The following CTNND2 variants were observed in gnomAD, a reference collection of about 807,000 sequenced individuals.
CTNND2 encodes catenin delta 2, also known as catenin delta-2.
In CTNND2, 22 loss-of-function variants were observed where a neutral mutation model predicts 144.4. That is an observed-to-expected ratio of 0.15 (90% CI 0.11 to 0.22). The LOEUF is 0.22. CTNND2 is among the 10% of genes least tolerant of loss of function. CTNND2 has a pLI of 1.00. For missense variants in CTNND2, 1,353 were observed against 1,618.8 expected (o/e 0.84, Z 2.82); for synonymous variants, 751 against 695.6 (o/e 1.08, Z -1.25).
rs61753315 is a variant in CTNND2 at position 11,118,239 on chromosome 5, A to G, written c.2160-672T>C. On this transcript the variant is annotated intron_variant, in intron 12 of 21. Coordinates refer to ENST00000304623, the MANE Select transcript of CTNND2 (RefSeq NM_001332.4). ...TCCTACAAGAGACAGAGATAATCCG[A>G]AGGAAAATCTTGGGGTGCTTTTAGT... 3.3e-4 allele frequency among the ~76,000 whole-genome samples: 50 copies of G among 152,336 alleles called. No homozygotes were observed. The East Asian group carries it at 3.5e-3, about 11-fold the overall frequency.
chr5:11,620,419 C>T (rs1024772272), intron 2 of CTNND2, among the ~76,000 whole-genome samples: 9 of 152,204 alleles, frequency 5.9e-5, no homozygotes, highest in Non-Finnish European at 1.3e-4. Flanking sequence ...ACAGCGCCTA[C>T]AGCCCACAGC....
intron 11 of CTNND2, among the ~76,000 whole-genome samples, chr5:11,172,370 T>A (rs2149788065): frequency 6.6e-6 from 1 of 152,358 alleles, no homozygotes; most frequent in Admixed American, 6.5e-5. Flanking sequence ...GAGATCTTCA[T>A]ACTTTAGCCT....
At chr5:11,414,365 C>T (rs1004682057) in intron 3 of CTNND2, among the ~76,000 whole-genome samples, 2 of 152,130 alleles carry the variant, frequency 1.3e-5, no homozygotes, top group Non-Finnish European at 2.9e-5. Context: ...AAAAAGTTCT[C>T]GTGTTATGTC....
chr5:11,613,569 T>A (rs1340755981), intron 2 of CTNND2, among the ~76,000 whole-genome samples: 1 of 152,216 alleles, frequency 6.6e-6, no homozygotes, highest in Non-Finnish European at 1.5e-5. Flanking sequence ...TGAATTTGTA[T>A]GTATTAACCT....
At chr5:11,346,919 G>T (rs1341020203) in intron 8 of CTNND2, among the ~76,000 whole-genome samples, 1 of 144,334 alleles carries the variant, frequency 6.9e-6, no homozygotes, top group Non-Finnish European at 1.5e-5. Flanking sequence ...TATAAACTTT[G>T]TGCATAAGAA....
At chr5:11,297,802 G>A (rs766968020) in intron 9 of CTNND2, among the ~76,000 whole-genome samples, 2 of 152,034 alleles carry the variant, frequency 1.3e-5, no homozygotes, top group Non-Finnish European at 2.9e-5. Context: ...TCACGAGTTC[G>A]GATTTTATCC....
chr5:11,069,559 G>A (rs1363769208), intron 16 of CTNND2, among the ~76,000 whole-genome samples: 1 of 152,152 alleles, frequency 6.6e-6, no homozygotes, highest in Non-Finnish European at 1.5e-5. Flanking sequence ...GACAGTGGAT[G>A]TAAAATTATA....
intron 2 of CTNND2, among the ~76,000 whole-genome samples, chr5:11,580,843 T>A (rs970816353): frequency 1.3e-5 from 2 of 152,196 alleles, no homozygotes; most frequent in African/African-American, 4.8e-5. Flanking sequence ...ACAGTAGACT[T>A]TGAAAAACCA....
At chr5:11,273,816 T>C (rs775564345) in intron 9 of CTNND2, among the ~76,000 whole-genome samples, 1 of 152,180 alleles carries the variant, frequency 6.6e-6, no homozygotes, top group Non-Finnish European at 1.5e-5. Flanking sequence ...TCCCTCTGTG[T>C]ATATTTTCCA....
chr5:11,154,588 G>A (rs150095324), intron 12 of CTNND2, among the ~76,000 whole-genome samples: 116 of 152,230 alleles, frequency 7.6e-4, no homozygotes, highest in African/African-American at 2.5e-3. Context: ...ATCCTCAGGC[G>A]GCTCCTTGGC....
intron 5 of CTNND2, among the ~76,000 whole-genome samples, chr5:11,408,576 G>T (rs1761269067): frequency 6.6e-6 from 1 of 152,022 alleles, no homozygotes; most frequent in Admixed American, 6.6e-5. Context: ...GCTTTCAAAA[G>T]AAATAATCAA....
chr5:11,071,343 G>A (rs558058443), intron 16 of CTNND2, among the ~76,000 whole-genome samples: 24 of 152,274 alleles, frequency 1.6e-4, no homozygotes, highest in Non-Finnish European at 2.8e-4. Flanking sequence ...TTCAAGACCA[G>A]TCTGGCCAGC....
At chr5:11,212,243 T>C (rs547610173) in intron 10 of CTNND2, among the ~76,000 whole-genome samples, 15 of 152,162 alleles carry the variant, frequency 9.9e-5, no homozygotes, top group Non-Finnish European at 1.8e-4. Context: ...TGTCATGGTT[T>C]AGTGAAGGGG....
intron 2 of CTNND2, among the ~76,000 whole-genome samples, chr5:11,698,172 A>G (rs757269440): frequency 1.2e-4 from 18 of 152,278 alleles, no homozygotes; most frequent in Admixed American, 6.5e-4. Flanking sequence ...GATGTAGCCC[A>G]TTTCAGAAAC....
intron 9 of CTNND2, among the ~76,000 whole-genome samples, chr5:11,296,910 C>T (rs867771066): frequency 2.0e-5 from 3 of 152,156 alleles, no homozygotes; most frequent in Admixed American, 2.0e-4. Flanking sequence ...GCGCAGCACA[C>T]CAACATGGCA....
intron 1 of CTNND2, among the ~76,000 whole-genome samples, chr5:11,838,706 T>C (rs1410160402): frequency 6.6e-6 from 1 of 152,226 alleles, no homozygotes; most frequent in African/African-American, 2.4e-5. Context: ...GATACTATCA[T>C]CATTAAATAT....
At chr5:11,354,596 A>G (rs1755668904) in intron 8 of CTNND2, among the ~76,000 whole-genome samples, 1 of 152,232 alleles carries the variant, frequency 6.6e-6, no homozygotes. Context: ...TCATATAAAT[A>G]AATTTTAGAA....
intron 12 of CTNND2, among the ~76,000 whole-genome samples, chr5:11,147,403 C>G (rs1248353993): frequency 2.0e-5 from 3 of 152,110 alleles, no homozygotes; most frequent in African/African-American, 2.4e-5. Flanking sequence ...ATGTAAAGGT[C>G]CTGAGGTAGA....
At chr5:11,149,262 G>A (rs1462827982) in intron 12 of CTNND2, among the ~76,000 whole-genome samples, 6 of 152,204 alleles carry the variant, frequency 3.9e-5, no homozygotes, top group Non-Finnish European at 7.3e-5. Context: ...CCATCACGGT[G>A]ACGCTTTCCT....
Sources: gnomAD v4.1 joint callset for allele counts (sites outside exome capture counted in the v4.1 genomes callset) on GRCh38, gnomAD v4.1.1 for gene constraint, MANE v1.5 for transcripts, NCBI Gene and HGNC (gene_info 2026-07-23, HGNC 2026-07-21) for gene names.